Variants in CDC14A observed in about 807,000 individuals in gnomAD.
CDC14A encodes dual specificity protein phosphatase CDC14A.
CDC14A carries 53 observed loss-of-function variants against 74.4 expected under a neutral mutation model. The ratio of observed to expected loss-of-function variants is 0.71; its 90% CI spans 0.57 to 0.89. The LOEUF (loss-of-function observed/expected upper bound fraction) is 0.89. Ranked by LOEUF, CDC14A falls within the 40% of genes least tolerant of loss-of-function variation. CDC14A has a pLI of 0.00. For synonymous variants in CDC14A, 247 were observed against 258.4 expected (o/e 0.96, Z 0.43); for missense variants, 646 against 713.7 (o/e 0.91, Z 1.08).
chr1:100,394,035 C>A (rs1204989631), intron 4 of CDC14A: 2 of 257,540 alleles, frequency 7.8e-6, no homozygotes, highest in Non-Finnish European at 1.5e-5. Flanking sequence ...ATTCTGGGGA[C>A]CTCAGGTTTG....
chr1:100,437,723 G>A (rs1047312274), intron 5 of CDC14A, among the ~76,000 whole-genome samples: 2 of 152,168 alleles, frequency 1.3e-5, no homozygotes, highest in East Asian at 3.9e-4. Flanking sequence ...AGGTATCATG[G>A]AAGCCTCACC....
intron 2 of CDC14A, among the ~76,000 whole-genome samples, chr1:100,357,218 G>C (rs1652037318): frequency 6.6e-6 from 1 of 152,158 alleles, no homozygotes; most frequent in South Asian, 2.1e-4. Context: ...TTTTCCCAAA[G>C]AGACTAATAA....
In CDC14A at chr1:100,506,171, A is replaced by G. The variant is rs114172412; in HGVS notation, c.1755+6909A>G. On this transcript the variant is annotated intron_variant, in intron 15 of 15. Transcript: ENST00000336454. ...ATCCAAACTATATCAATATTCATTTATTAATTCATATTAATATTGTTAAAT... is the reference window on the plus strand; with the variant it reads ...ATCCAAACTATATCAATATTCATTTGTTAATTCATATTAATATTGTTAAAT... Among the ~76,000 whole-genome samples, 601 of 152,304 alleles carry G rather than the reference A, an allele frequency of 3.9e-3. 5 individuals are homozygous for G. Among genetic ancestry groups the G allele is most frequent in the African/African-American group, 0.013 (554 of 41,556 alleles).
intron 15 of CDC14A, among the ~76,000 whole-genome samples, chr1:100,515,929 A>G (rs1363848183): frequency 3.3e-5 from 5 of 152,222 alleles, no homozygotes; most frequent in Admixed American, 1.3e-4. Context: ...AATGAATTGA[A>G]CTGGTGGGAC....
At chr1:100,394,320 T>G (rs965089437) in intron 4 of CDC14A, among the ~76,000 whole-genome samples, 8 of 152,072 alleles carry the variant, frequency 5.3e-5, no homozygotes, top group Non-Finnish European at 1.0e-4. Context: ...CCTTGCTTTG[T>G]TGCCCAGCCT....
At position 100,492,546 on chromosome 1, in the gene CDC14A, G is replaced by A. The variant is rs115275263; in HGVS notation, c.1138-2272G>A. ...ACCACTTCCCAATATAACTATATTCGTTAAATCAAATAATGTGCACATTAT... is the reference window on the plus strand; with the variant it reads ...ACCACTTCCCAATATAACTATATTCATTAAATCAAATAATGTGCACATTAT... On this transcript the variant is annotated intron_variant, in intron 11 of 15. Coordinates refer to ENST00000336454, the MANE Select transcript of CDC14A (RefSeq NM_003672.4). 6.6e-3 allele frequency among the ~76,000 whole-genome samples: 1,008 copies of A among 152,162 alleles called. 10 individuals carry two copies. The highest frequency in any genetic ancestry group is 0.024 in the African/African-American group (976 of 41,494).
At chr1:100,435,210 C>T (rs1483985469) in intron 5 of CDC14A, among the ~76,000 whole-genome samples, 1 of 152,098 alleles carries the variant, frequency 6.6e-6, no homozygotes, top group Non-Finnish European at 1.5e-5. Flanking sequence ...TGAAGGATGA[C>T]TTTGCAAAGG....
intron 7 of CDC14A, among the ~76,000 whole-genome samples, chr1:100,453,952 T>C (rs189296286): frequency 3.9e-5 from 6 of 152,336 alleles, no homozygotes; most frequent in African/African-American, 1.4e-4. Context: ...GGAGATATTA[T>C]GTTTATTACA....
At chr1:100,448,034 G>A (rs746544087) in intron 7 of CDC14A, among the ~76,000 whole-genome samples, 5 of 152,208 alleles carry the variant, frequency 3.3e-5, no homozygotes, top group African/African-American at 4.8e-5. Context: ...CGGTAGCAGT[G>A]TCCTGTTCTT....
intron 4 of CDC14A, among the ~76,000 whole-genome samples, chr1:100,402,911 A>G (rs1249777934): frequency 6.6e-6 from 1 of 152,236 alleles, no homozygotes; most frequent in Admixed American, 6.5e-5. Context: ...CACTAGTCAT[A>G]CAGTTTCTTT....
intron 2 of CDC14A, among the ~76,000 whole-genome samples, chr1:100,369,770 C>T (rs1654179011): frequency 6.6e-6 from 1 of 151,750 alleles, no homozygotes; most frequent in African/African-American, 2.4e-5. Context: ...AGGACTTAGT[C>T]ATAAATTCTT....
rs184855458 is a variant in CDC14A at position 100,471,577 on chromosome 1, A to C, written c.977+3483A>C. On this transcript the variant is annotated intron_variant, in intron 10 of 15. Transcript: ENST00000336454. ...ATAAGATCAAAGCTGGAGGATTTAC[A>C]CTCCCAGATATGGATTCATTTTAAA... 2.6e-3 allele frequency among the ~76,000 whole-genome samples: 402 copies of C among 152,266 alleles called. 1 individual carries two copies. Among genetic ancestry groups the C allele is most frequent in the Non-Finnish European group, 2.5e-3 (173 of 67,976 alleles).
intron 10 of CDC14A, among the ~76,000 whole-genome samples, chr1:100,472,217 A>G (rs1333849909): frequency 6.6e-6 from 1 of 152,148 alleles, no homozygotes; most frequent in African/African-American, 2.4e-5. Context: ...AAAGCGATTC[A>G]CCCTCATTAG....
chr1:100,404,602 G>A (rs914427369), intron 4 of CDC14A, among the ~76,000 whole-genome samples: 2 of 152,218 alleles, frequency 1.3e-5, no homozygotes, highest in Non-Finnish European at 1.5e-5. Flanking sequence ...AGGCTGAGGC[G>A]GGTGGATCAT....
At chr1:100,448,506 T>A (rs1665795582) in intron 7 of CDC14A, among the ~76,000 whole-genome samples, 1 of 152,174 alleles carries the variant, frequency 6.6e-6, no homozygotes, top group Admixed American at 6.5e-5. Flanking sequence ...CGCACAGGGC[T>A]TCCTTTTGTT....
intron 2 of CDC14A, among the ~76,000 whole-genome samples, chr1:100,369,362 C>T (rs1282291278): frequency 6.6e-6 from 1 of 152,190 alleles, no homozygotes; most frequent in African/African-American, 2.4e-5. Flanking sequence ...CCACCTTGGC[C>T]TCCCAAAGTG....
chr1:100,409,031 A>G (rs1219434787), intron 4 of CDC14A, among the ~76,000 whole-genome samples: 1 of 152,206 alleles, frequency 6.6e-6, no homozygotes, highest in African/African-American at 2.4e-5. Flanking sequence ...TGATAAAGAC[A>G]TATCTGAGAC....
intron 4 of CDC14A, among the ~76,000 whole-genome samples, chr1:100,402,379 A>G (rs1159606616): frequency 6.6e-6 from 1 of 152,174 alleles, no homozygotes; most frequent in African/African-American, 2.4e-5. Flanking sequence ...CTTCCAATCA[A>G]TGAGATGTTT....
chr1:100,394,071 CT>C, intron 4 of CDC14A: 29 of 224,792 alleles, frequency 1.3e-4, no homozygotes, highest in South Asian at 7.1e-4. Context: ...TTCTTTACCC[CT>C]TTTTCCCTCC....
Sources: gnomAD v4.1 joint callset for allele counts (sites outside exome capture counted in the v4.1 genomes callset) on GRCh38, gnomAD v4.1.1 for gene constraint, MANE v1.5 for transcripts, NCBI Gene and HGNC (gene_info 2026-07-23, HGNC 2026-07-21) for gene names.